Variants in INVS observed in about 807,000 individuals in gnomAD.
INVS encodes inversion of embryo turning homolog.
A neutral mutation model predicts 108.8 loss-of-function variants in INVS; 86 were observed. That is an observed-to-expected ratio of 0.79 (90% CI 0.66 to 0.95). INVS has a LOEUF of 0.95. INVS is among the 40% of genes least tolerant of loss of function. INVS has a pLI of 0.00. For missense variants in INVS, 1,169 were observed against 1,297.4 expected (o/e 0.90, Z 1.52); for synonymous variants, 455 against 473.5 (o/e 0.96, Z 0.51).
intron 5 of INVS, among the ~76,000 whole-genome samples, chr9:100,232,404 G>A (rs535573732): frequency 1.3e-5 from 2 of 152,256 alleles, no homozygotes; most frequent in African/African-American, 4.8e-5. Flanking sequence ...TGCTTTTGGT[G>A]TTTTAGTCAT....
At chr9:100,139,133 TTTG>T (rs1158734774) in intron 3 of INVS, among the ~76,000 whole-genome samples, 3 of 152,224 alleles carry the variant, frequency 2.0e-5, no homozygotes, top group Non-Finnish European at 4.4e-5. Context: ...AAATGACTTA[TTTG>T]TTGTTGTTGT....
chr9:100,164,017 A>G (rs1206922048), intron 3 of INVS, among the ~76,000 whole-genome samples: 3 of 152,248 alleles, frequency 2.0e-5, no homozygotes, highest in Non-Finnish European at 4.4e-5. Flanking sequence ...AAAGCAGAAG[A>G]GAGACTAATT....
intron 3 of INVS, 56 bp downstream of exon 3, chr9:100,126,605 AT>A (rs760507661): frequency 3.3e-6 from 5 of 1,509,032 alleles, no homozygotes; most frequent in Non-Finnish European, 4.6e-6. Flanking sequence ...CTGCTAGTTG[AT>A]TAGTGGAACT....
chr9:100,219,817 C>T (rs994275156), intron 3 of INVS, among the ~76,000 whole-genome samples: 42 of 151,756 alleles, frequency 2.8e-4, no homozygotes, highest in Non-Finnish European at 1.0e-4. Context: ...AAAAATGACA[C>T]GATTCATGCA....
intron 10 of INVS, among the ~76,000 whole-genome samples, chr9:100,253,995 T>A (rs556471218): frequency 1.7e-4 from 26 of 152,308 alleles, no homozygotes; most frequent in African/African-American, 5.8e-4. Context: ...CGCCACACTG[T>A]CTTCCACAAT....
intron 10 of INVS, among the ~76,000 whole-genome samples, chr9:100,259,207 G>A (rs1034923781): frequency 6.6e-6 from 1 of 152,158 alleles, no homozygotes; most frequent in African/African-American, 2.4e-5. Flanking sequence ...CGTGGGCGTG[G>A]GACCCTCTGA....
Position 100,106,029 on chromosome 9 carries a change from C to T in INVS, c.106+1402C>T, listed in dbSNP as rs371461396. Among the ~76,000 whole-genome samples the T allele has an allele frequency of 5.9e-5, 9 of 152,060 alleles. 1 individual carries two copies. In the East Asian group the frequency reaches 1.7e-3, roughly 29 times the overall value. Reference sequence around the variant, plus strand: ...TCAGTACTTACTACTCATCATACCACATTTTTTCTGTAATGAATGTTTCAT... The same window carrying T: ...TCAGTACTTACTACTCATCATACCATATTTTTTCTGTAATGAATGTTTCAT... On this transcript the variant is annotated intron_variant, in intron 2 of 16. Coordinates refer to ENST00000262457, the MANE Select transcript of INVS (RefSeq NM_014425.5).
intron 3 of INVS, among the ~76,000 whole-genome samples, chr9:100,148,701 T>C (rs1828709320): frequency 6.6e-6 from 1 of 152,240 alleles, no homozygotes; most frequent in South Asian, 2.1e-4. Context: ...AAAGCTGTTA[T>C]TTAAAGCTAC....
chr9:100,129,197 T>C (rs1217047842), intron 3 of INVS, among the ~76,000 whole-genome samples: 2 of 145,392 alleles, frequency 1.4e-5, no homozygotes, highest in African/African-American at 5.1e-5. Context: ...AAAGAAGGAA[T>C]CTGGCAGGGT....
At chr9:100,298,113 G>A in intron 16 of INVS, 103 bp downstream of exon 16, 1 of 1,586,016 alleles carries the variant, frequency 6.3e-7, no homozygotes, top group African/African-American at 1.3e-5. Context: ...ATATGGCCAG[G>A]GTTTTCCAAT....
intron 2 of INVS, among the ~76,000 whole-genome samples, chr9:100,109,560 T>G (rs999325875): frequency 6.6e-6 from 1 of 152,260 alleles, no homozygotes; most frequent in African/African-American, 2.4e-5. Flanking sequence ...TCGCTTGCAG[T>G]GGTATCGTGA....
chr9:100,221,854 C>A (rs901316494), intron 3 of INVS, among the ~76,000 whole-genome samples: 1 of 151,952 alleles, frequency 6.6e-6, no homozygotes. Flanking sequence ...TATAATTGTT[C>A]TATTTTATTA....
At chr9:100,162,917 G>T (rs560716741) in intron 3 of INVS, among the ~76,000 whole-genome samples, 1 of 152,234 alleles carries the variant, frequency 6.6e-6, no homozygotes, top group Admixed American at 6.5e-5. Flanking sequence ...CCAATATCAG[G>T]GTTCTGTTGG....
intron 10 of INVS, among the ~76,000 whole-genome samples, chr9:100,263,932 G>A (rs1832706383): frequency 6.6e-6 from 1 of 152,080 alleles, no homozygotes. Flanking sequence ...TGCTCTATCA[G>A]TTGTTTTTAA....
At chr9:100,242,771 A>G in intron 7 of INVS, 92 bp downstream of exon 7, 1 of 782,388 alleles carries the variant, frequency 1.3e-6, no homozygotes, top group Non-Finnish European at 2.3e-6. Context: ...GAAATAATAC[A>G]ACAAGATTGC....
chr9:100,287,046 A>G (rs554153634), intron 13 of INVS, among the ~76,000 whole-genome samples: 7 of 152,300 alleles, frequency 4.6e-5, no homozygotes, highest in East Asian at 1.9e-4. Context: ...TTATGATTCT[A>G]TTTTGGTTGG....
chr9:100,270,659 A>G (rs1181018573), intron 11 of INVS, among the ~76,000 whole-genome samples: 2 of 150,294 alleles, frequency 1.3e-5, no homozygotes, highest in East Asian at 3.9e-4. Context: ...GAGATGGGAG[A>G]ATTGCTTGAA....
rs532657474 is a variant in INVS, at chr9:100,157,334, G to A, written c.273+30785G>A. Among the ~76,000 whole-genome samples the A allele has an allele frequency of 1.8e-4, 27 of 147,640 alleles. No individual in the cohort carries two copies. In the Middle Eastern group the frequency reaches 0.011, roughly 59 times the overall value. On this transcript the variant is annotated intron_variant, in intron 3 of 16. Transcript: ENST00000262457. ...GGCTGGAGTGCAGTGGCACAATCTC[G>A]GCTCACTGCAAGCTCCGCCTCCTGG... is the stretch of plus-strand genomic sequence containing the variant.
chr9:100,202,777 A>G (rs1830568857), intron 3 of INVS, among the ~76,000 whole-genome samples: 1 of 152,198 alleles, frequency 6.6e-6, no homozygotes, highest in Admixed American at 6.5e-5. Flanking sequence ...TGGCTCTATT[A>G]CTAAGCAGTC....
Sources: allele counts gnomAD v4.1 joint callset (sites outside exome capture counted in the v4.1 genomes callset), GRCh38; gene constraint gnomAD v4.1.1; transcripts MANE v1.5; gene names NCBI Gene and HGNC (gene_info 2026-07-23, HGNC 2026-07-21).